The following KANK1 variants were observed in gnomAD, a reference collection of about 807,000 sequenced individuals.
KANK1 encodes KN motif and ankyrin repeat domain-containing protein 1.
In KANK1, 109 loss-of-function variants were observed where a neutral mutation model predicts 106.2. That is an observed-to-expected ratio of 1.03 (90% CI 0.88 to 1.20). The LOEUF (loss-of-function observed/expected upper bound fraction) is 1.20. Ranked by LOEUF, KANK1 falls within the 50% of genes most tolerant of loss-of-function variation. The probability of loss-of-function intolerance (pLI) is 0.00; values close to 1 mark genes in which losing one functional copy is unlikely to be tolerated. For synonymous variants in KANK1, 873 were observed against 652.2 expected, an observed-to-expected ratio of 1.34 and a Z score of -5.16; for missense variants, 2,399 against 1,710.7, an observed-to-expected ratio of 1.40 and a Z score of -7.10.
intron 1 of KANK1, among the ~76,000 whole-genome samples, chr9:631,056 C>G (rs1398844297): frequency 1.3e-5 from 2 of 152,164 alleles, no homozygotes. Flanking sequence ...AAATATGTAT[C>G]TTGGTATAAG....
intron 3 of KANK1, among the ~76,000 whole-genome samples, chr9:719,308 T>A (rs1341352147): frequency 6.6e-6 from 1 of 152,188 alleles, no homozygotes; most frequent in Non-Finnish European, 1.5e-5. Flanking sequence ...TTCAGATCCC[T>A]TTGAATTTTT....
chr9:710,630 C>CAAAAAAAAAAAAAAAA, intron 2 of KANK1, among the ~76,000 whole-genome samples, 174 bp from the exon 3 acceptor site: 1 of 57,784 alleles, frequency 1.7e-5, no homozygotes, highest in Non-Finnish European at 3.4e-5. Context: ...AAAAAAAAAA[C>CAAAAAAAAAAAAAAAA]AAAAAAAAAC....
At chr9:598,507 C>T (rs1826793451) in intron 1 of KANK1, among the ~76,000 whole-genome samples, 1 of 150,684 alleles carries the variant, frequency 6.6e-6, no homozygotes, top group Non-Finnish European at 1.5e-5. Flanking sequence ...GGATGTATTT[C>T]CATTTATTTA....
chr9:548,946 A>G (rs1169645478), intron 1 of KANK1, among the ~76,000 whole-genome samples: 1 of 152,200 alleles, frequency 6.6e-6, no homozygotes, highest in East Asian at 1.9e-4. Flanking sequence ...GAGGGGGACA[A>G]TAAATGCAAA....
In KANK1 at chr9:732,614, A is replaced by G. The variant is rs1832624113; in HGVS notation, c.3242A>G (p.Glu1081Gly). 6.2e-7 allele frequency: 1 copy of G among 1,613,874 alleles called. No homozygotes were observed. The highest frequency in any genetic ancestry group is 8.5e-7 in the Non-Finnish European group (1 of 1,179,850). ...ECEPEKVEIR[E>G]RYELSEKMLS... ...GAACCTGAGAAGGTGGAAATCAGAG[A>G]GAGGTGTGGTACATTCCCCTTCCCT... Residue 1081 changes from glutamate (E) to glycine (G), a missense_variant, in exon 6 of 12, where the codon GAG becomes GGG. Glu to Gly is a moderately conservative substitution (Grantham distance 98, BLOSUM62 -2). Transcript: ENST00000382297.
At chr9:563,524 C>T (rs1329076140) in intron 1 of KANK1, among the ~76,000 whole-genome samples, 1 of 152,172 alleles carries the variant, frequency 6.6e-6, no homozygotes, top group Admixed American at 6.5e-5. Context: ...TAATAAGCCT[C>T]ATAAGTACTT....
chr9:620,345 T>C (rs956297307), intron 1 of KANK1, among the ~76,000 whole-genome samples: 4 of 152,280 alleles, frequency 2.6e-5, no homozygotes, highest in African/African-American at 9.6e-5. Context: ...ACCTGCTTTC[T>C]TGGGCCATAG....
intron 1 of KANK1, among the ~76,000 whole-genome samples, chr9:616,871 G>A (rs1361852129): frequency 6.6e-6 from 1 of 152,176 alleles, no homozygotes; most frequent in Non-Finnish European, 1.5e-5. Flanking sequence ...TCCTGGAAGT[G>A]AGACATGGTA....
chr9:507,173 C>G (rs1322091499), intron 1 of KANK1, among the ~76,000 whole-genome samples: 3 of 147,514 alleles, frequency 2.0e-5, no homozygotes, highest in South Asian at 2.1e-4. Context: ...ATTGACATAG[C>G]GAGACTCCGT....
chr9:609,493 G>A (rs1159237826), intron 1 of KANK1, among the ~76,000 whole-genome samples: 1 of 152,116 alleles, frequency 6.6e-6, no homozygotes, highest in Non-Finnish European at 1.5e-5. Context: ...GCTGGGTGTG[G>A]TGGCGTGCAC....
chr9:737,158 C>G (rs939417843), intron 7 of KANK1, among the ~76,000 whole-genome samples: 1 of 151,998 alleles, frequency 6.6e-6, no homozygotes, highest in Non-Finnish European at 1.5e-5. Flanking sequence ...TTAGAATGAC[C>G]AGAAGACATA....
chr9:635,877 A>T (rs923180991), intron 1 of KANK1, among the ~76,000 whole-genome samples: 3 of 151,364 alleles, frequency 2.0e-5, no homozygotes, highest in African/African-American at 7.3e-5. Context: ...GTTTCACTTT[A>T]TTGGTCAGAC....
At chr9:607,097 G>C (rs1284473420) in intron 1 of KANK1, among the ~76,000 whole-genome samples, 3 of 151,822 alleles carry the variant, frequency 2.0e-5, no homozygotes, top group African/African-American at 7.3e-5. Flanking sequence ...TTAATACAGT[G>C]TCACTCTCTT....
exon 1 of KANK1, chr9:470,298 G>A (rs933685307): frequency 1.3e-5 from 2 of 149,614 alleles, no homozygotes; most frequent in Non-Finnish European, 3.0e-5. Context: ...TGCGCCCGAG[G>A]GTGTTTCGGG....
intron 1 of KANK1, among the ~76,000 whole-genome samples, chr9:624,839 GA>G (rs971518905): frequency 3.8e-4 from 58 of 152,066 alleles, no homozygotes; most frequent in African/African-American, 1.3e-3. Flanking sequence ...AAAACGCAAT[GA>G]AAAAAATAGC....
At chr9:628,579 C>T (rs1438106489) in intron 1 of KANK1, among the ~76,000 whole-genome samples, 2 of 152,150 alleles carry the variant, frequency 1.3e-5, no homozygotes, top group South Asian at 2.1e-4. Context: ...TGCTTGAGGG[C>T]ACTTGAACCA....
intron 1 of KANK1, among the ~76,000 whole-genome samples, chr9:639,032 A>G (rs1056162275): frequency 1.3e-5 from 2 of 152,166 alleles, no homozygotes; most frequent in Admixed American, 1.3e-4. Flanking sequence ...GCATAACAGA[A>G]ATCACACCTC....
intron 1 of KANK1, among the ~76,000 whole-genome samples, chr9:660,871 C>T (rs1202763202): frequency 6.6e-6 from 1 of 152,208 alleles, no homozygotes; most frequent in Non-Finnish European, 1.5e-5. Context: ...GGACATCTGG[C>T]TTGCCACAAA....
chr9:689,669 A>C (rs1402909021), intron 2 of KANK1, among the ~76,000 whole-genome samples: 1 of 152,104 alleles, frequency 6.6e-6, no homozygotes, highest in Admixed American at 6.6e-5. Context: ...AAAGGGCCAT[A>C]CCCACTTTCT....
Sources: allele counts gnomAD v4.1 joint callset (sites outside exome capture counted in the v4.1 genomes callset), GRCh38; gene constraint gnomAD v4.1.1; transcripts MANE v1.5; gene names NCBI Gene and HGNC (gene_info 2026-07-23, HGNC 2026-07-21).